Variants in ANKHD1 observed in about 807,000 individuals in gnomAD.
ANKHD1 encodes the protein ankyrin repeat and KH domain containing 1.
In ANKHD1, 31 loss-of-function variants were observed where a neutral mutation model predicts 230.5. The ratio of observed to expected loss-of-function variants is 0.13; its 90% CI spans 0.10 to 0.18. The LOEUF is 0.18. Among genes scored for constraint, ANKHD1 ranks in the 10% least tolerant of loss-of-function variants. ANKHD1 has a pLI of 1.00. For synonymous variants in ANKHD1, 1,074 were observed against 1,117.6 expected, an observed-to-expected ratio of 0.96 and a Z score of 0.78; for missense variants, 2,256 against 3,071.3, an observed-to-expected ratio of 0.73 and a Z score of 6.27.
intron 10 of ANKHD1, among the ~76,000 whole-genome samples, chr5:140,468,786 A>G (rs534668348): frequency 8.5e-5 from 13 of 152,290 alleles, no homozygotes; most frequent in Admixed American, 7.2e-4. Context: ...TTATCTACGC[A>G]TAAACACCTG....
chr5:140,509,612 T>A (rs773926749), intron 20 of ANKHD1, 25 bp from the exon 21 acceptor site: 1 of 1,488,540 alleles, frequency 6.7e-7, no homozygotes, highest in Admixed American at 2.5e-5. Context: ...TGTAACTTAG[T>A]TGCATAATTT....
chr5:140,427,642 G>T (rs1353537990), intron 1 of ANKHD1, among the ~76,000 whole-genome samples: 1 of 146,332 alleles, frequency 6.8e-6, no homozygotes, highest in Non-Finnish European at 1.5e-5. Context: ...TGGCCGGGCG[G>T]GGGGCTGACC....
At position 140,526,291 on chromosome 5, in the gene ANKHD1, G is replaced by C. The variant is rs1228409843; in HGVS notation, c.4788G>C (p.Leu1596Phe). The change falls in exon 26 of 34, where the codon TTG becomes TTC. Residue 1596 changes from leucine (L) to phenylalanine (F), a missense_variant. Physicochemically the swap from Leu to Phe is conservative, Grantham distance 22. Around this residue, in one of 13 missense-constraint regions of ANKHD1, gnomAD observed 212 missense variants for 257.3 expected, o/e 0.82. Coordinates refer to ENST00000360839, the MANE Select transcript of ANKHD1 (RefSeq NM_017747.3). ...GAGGNSDSDN[L>F]DSTDCNSESS... The stretch of plus-strand genomic sequence containing the variant: ...GTGGGAATAGTGATTCAGATAACTT[G>C]GACAGCACAGACTGCAACAGTGAGA... The C allele has an allele frequency of 1.2e-5, 19 of 1,614,048 alleles. No homozygotes were observed. In the Admixed American group the frequency reaches 3.2e-4, roughly 27 times the overall value.
intron 10 of ANKHD1, among the ~76,000 whole-genome samples, chr5:140,468,963 C>T (rs1776298695): frequency 6.6e-6 from 1 of 151,912 alleles, no homozygotes. Context: ...TTCGGGAGGT[C>T]CACATCTGAA....
rs1278717703 is a variant in ANKHD1, at chr5:140,538,276, A to G, written c.7404+15A>G. 6.2e-7 allele frequency: 1 copy of G among 1,612,482 alleles called. No homozygotes were observed. The highest frequency in any genetic ancestry group is 8.5e-7 in the Non-Finnish European group (1 of 1,179,072). On this transcript the variant is annotated intron_variant, in intron 32 of 33. Coordinates refer to ENST00000360839, the MANE Select transcript of ANKHD1 (RefSeq NM_017747.3). Reference sequence around the variant, plus strand: ...ATTTTTCTAAAGTGAGTTGACAAACATCACTGTAACTTGATTGACACTTTG... The same window carrying G: ...ATTTTTCTAAAGTGAGTTGACAAACGTCACTGTAACTTGATTGACACTTTG...
At chr5:140,524,723 G>C (rs1339972981) in intron 25 of ANKHD1, among the ~76,000 whole-genome samples, 1 of 152,014 alleles carries the variant, frequency 6.6e-6, no homozygotes, top group Non-Finnish European at 1.5e-5. Flanking sequence ...TGTTCTACTT[G>C]GATTCTAATT....
At chr5:140,416,222 A>G (rs1458085478) in intron 1 of ANKHD1, among the ~76,000 whole-genome samples, 1 of 152,142 alleles carries the variant, frequency 6.6e-6, no homozygotes, top group African/African-American at 2.4e-5. Flanking sequence ...AGTCTTTGCT[A>G]TTGTGAATAG....
At chr5:140,415,750 T>C (rs1771320942) in intron 1 of ANKHD1, among the ~76,000 whole-genome samples, 1 of 151,974 alleles carries the variant, frequency 6.6e-6, no homozygotes, top group Non-Finnish European at 1.5e-5. Flanking sequence ...CTTTGATACA[T>C]TTTGAGTTAA....
At chr5:140,405,252 A>G (rs1394401903) in intron 1 of ANKHD1, among the ~76,000 whole-genome samples, 2 of 152,164 alleles carry the variant, frequency 1.3e-5, no homozygotes, top group East Asian at 3.8e-4. Flanking sequence ...GGAAGTTTCT[A>G]GGATACCCAC....
rs754923182 is a variant in ANKHD1 at position 140,526,341 on chromosome 5, A to C, written c.4838A>C (p.Glu1613Ala). Residue 1613 changes from glutamate to alanine, a missense_variant, in exon 26 of 34, where the codon GAG (glutamate) becomes GCG (alanine). Transcript: ENST00000360839. ...AGTAGCAGTGGTGGTAAAAGCCAAG[A>C]GTTAAATTTTGTGATGGATGTGAAT... is the stretch of plus-strand genomic sequence containing the variant. ...SESSSGGKSQELNFVMDVNSS... is the reference protein window; with the variant it reads ...SESSSGGKSQALNFVMDVNSS... The C allele has an allele frequency of 2.1e-5, 34 of 1,614,082 alleles. 1 individual carries two copies. Among genetic ancestry groups the C allele is most frequent in the Non-Finnish European group, 2.7e-5 (32 of 1,180,046 alleles).
chr5:140,528,047 T>C, intron 28 of ANKHD1, 25 bp downstream of exon 28: 2 of 1,610,574 alleles, frequency 1.2e-6, no homozygotes, highest in East Asian at 2.2e-5. Flanking sequence ...TGTATACTGC[T>C]AGTTCTGAGT....
intron 1 of ANKHD1, among the ~76,000 whole-genome samples, chr5:140,429,251 G>A (rs1322299840): frequency 6.6e-6 from 1 of 150,524 alleles, no homozygotes. Flanking sequence ...CTGCCACCAC[G>A]CCCGGCTAAT....
intron 1 of ANKHD1, among the ~76,000 whole-genome samples, chr5:140,433,369 A>G (rs1773206570): frequency 6.6e-6 from 1 of 152,136 alleles, no homozygotes; most frequent in Non-Finnish European, 1.5e-5. Context: ...CCAGCCTCCA[A>G]GCCTATTTTT....
intron 1 of ANKHD1, 22 bp downstream of exon 1, chr5:140,402,295 C>T (rs1770007464): frequency 2.1e-6 from 3 of 1,452,864 alleles, no homozygotes; most frequent in South Asian, 1.4e-5. Flanking sequence ...GGACCCTCGC[C>T]TCCCACACAT....
In ANKHD1 at chr5:140,485,454, A is replaced by C. The variant is rs1411731439; in HGVS notation, c.1999-135A>C. 1 of 1,187,874 alleles carries C rather than the reference A, an allele frequency of 8.4e-7. No individual in the cohort carries two copies. Among genetic ancestry groups the C allele is most frequent in the Non-Finnish European group, 1.1e-6 (1 of 884,278 alleles). The allele number at this position is 1,187,874 out of a possible 1,614,324, so 73.6% of individuals were successfully genotyped here. Reference sequence around the variant, plus strand: ...TATGTATGTGTATATATATATAAATAATATGTGTATAGTTATAAAAATATG... The same window carrying C: ...TATGTATGTGTATATATATATAAATCATATGTGTATAGTTATAAAAATATG... On this transcript the variant is annotated intron_variant, in intron 12 of 33. Coordinates refer to ENST00000360839, the MANE Select transcript of ANKHD1 (RefSeq NM_017747.3). The surrounding 1 kb of genome is among the most constrained non-coding windows in gnomAD (Gnocchi z 4.8).
intron 10 of ANKHD1, among the ~76,000 whole-genome samples, chr5:140,473,863 A>G (rs527303974): frequency 6.6e-6 from 1 of 152,322 alleles, no homozygotes; most frequent in East Asian, 1.9e-4. Flanking sequence ...AAGTCTCAAA[A>G]CAGGATTTTT....
In ANKHD1 at chr5:140,519,011, C is replaced by T. The variant is rs9686884; in HGVS notation, c.4318-5055C>T. Among the ~76,000 whole-genome samples, 19 of 152,136 alleles carry T rather than the reference C, an allele frequency of 1.2e-4. No homozygotes were observed. In the East Asian group the frequency reaches 2.5e-3, roughly 20 times the overall value. On this transcript the variant is annotated intron_variant, in intron 24 of 33. Coordinates refer to ENST00000360839, the MANE Select transcript of ANKHD1 (RefSeq NM_017747.3). ...AAGTCAAATTGTCCCTGTTTGCAGA[C>T]GACATGATTGTATATCTAGAAAACC...
At chr5:140,416,294 T>A (rs1243028862) in intron 1 of ANKHD1, among the ~76,000 whole-genome samples, 2 of 152,240 alleles carry the variant, frequency 1.3e-5, no homozygotes, top group Non-Finnish European at 2.9e-5. Context: ...ATCCTTTGGG[T>A]ATATACCCAG....
intron 3 of ANKHD1, 75 bp downstream of exon 3, chr5:140,438,692 A>G (rs761222129): frequency 6.9e-6 from 10 of 1,456,610 alleles, no homozygotes; most frequent in Non-Finnish European, 9.1e-6. Flanking sequence ...TTTTGGTTAA[A>G]TATATCTTTT....
Sources: gnomAD v4.1 joint callset for allele counts (sites outside exome capture counted in the v4.1 genomes callset) on GRCh38, gnomAD v4.1.1 for gene constraint, gnomAD v4.1.1 regional missense constraint, Gnocchi (gnomAD v3.1) non-coding constraint, MANE v1.5 for transcripts, NCBI Gene and HGNC (gene_info 2026-07-23, HGNC 2026-07-21) for gene names.